The following STRA6 variants were observed in gnomAD, a reference collection of about 807,000 sequenced individuals.
STRA6 encodes signaling receptor and transporter of retinol STRA6, also known as receptor for retinol uptake STRA6.
Under a neutral mutation model 83.6 loss-of-function variants are expected in STRA6, and 48 were observed. The ratio of observed to expected loss-of-function variants is 0.57; its 90% CI spans 0.46 to 0.73. STRA6 has a LOEUF of 0.73. Among genes scored for constraint, STRA6 ranks in the 30% least tolerant of loss-of-function variants. The probability of loss-of-function intolerance (pLI) is 0.00; values close to 1 mark genes in which losing one functional copy is unlikely to be tolerated. For synonymous variants in STRA6, 353 were observed against 362.3 expected (o/e 0.97, Z 0.29); for missense variants, 760 against 838.8 (o/e 0.91, Z 1.16).
At chr15:74,192,641 C>T (rs1375210262) in intron 8 of STRA6, among the ~76,000 whole-genome samples, 1 of 152,308 alleles carries the variant, frequency 6.6e-6, no homozygotes, top group East Asian at 1.9e-4. Flanking sequence ...TTCCCTGGGC[C>T]AGCAGCTGGC....
intron 17 of STRA6, 118 bp from the exon 18 acceptor site, chr15:74,181,055 GAC>G: frequency 6.8e-7 from 1 of 1,464,270 alleles, no homozygotes; most frequent in Non-Finnish European, 9.3e-7. Flanking sequence ...CAAGCATGTC[GAC>G]ACACCAAGCA....
At chr15:74,199,915 G>A (rs2073982107) in intron 2 of STRA6, among the ~76,000 whole-genome samples, 1 of 152,170 alleles carries the variant, frequency 6.6e-6, no homozygotes, top group South Asian at 2.1e-4. Context: ...TATCTGATTG[G>A]AGTTTAAAAA....
chr15:74,201,039 T>C (rs1161278222), intron 2 of STRA6, among the ~76,000 whole-genome samples: 32 of 152,222 alleles, frequency 2.1e-4, no homozygotes, highest in Non-Finnish European at 2.9e-5. Flanking sequence ...GCAGGATATG[T>C]GGAGCCCACA....
upstream of STRA6, chr15:74,209,787 T>A (rs1377853511): frequency 4.0e-6 from 1 of 250,660 alleles, no homozygotes; most frequent in Non-Finnish European, 7.5e-6. Flanking sequence ...GAAATGGTGC[T>A]CAGAGGGTGC....
chr15:74,201,102 A>C (rs1394753390), intron 2 of STRA6, among the ~76,000 whole-genome samples: 1 of 152,178 alleles, frequency 6.6e-6, no homozygotes, highest in Non-Finnish European at 1.5e-5. Flanking sequence ...TGCTGACTGC[A>C]GGCTATTTTC....
chr15:74,193,103 A>G (rs1472690705), intron 8 of STRA6, among the ~76,000 whole-genome samples: 6 of 152,166 alleles, frequency 3.9e-5, no homozygotes, highest in Non-Finnish European at 5.9e-5. Context: ...CCTTCCATAC[A>G]TCTTTCCTTC....
In STRA6 at chr15:74,180,167, C is replaced by T. The variant is rs1567175757; in HGVS notation, c.1917G>A (p.Trp639Ter). ...TGTGCAGCAGCGTGTAGGCCAGACC[C>T]CAGCGAGCCCTGCCGCGGCTGGCCC... ...RPGASRGRAR[W>*]GLAYTLLHNP... Residue 639 changes from tryptophan to a stop codon, truncating the protein, a stop_gained, in exon 19 of 19, where the codon TGG becomes TGA. Coordinates refer to ENST00000395105, the MANE Select transcript of STRA6 (RefSeq NM_022369.4). LOFTEE classifies it high-confidence loss of function. 3.1e-6 allele frequency: 5 copies of T among 1,614,012 alleles called. No individual in the cohort carries two copies. Among genetic ancestry groups the T allele is most frequent in the Non-Finnish European group, 4.2e-6 (5 of 1,180,010 alleles).
At chr15:74,191,267 C>T (rs377493137) in intron 9 of STRA6, 24 bp from the exon 10 acceptor site, 101 of 1,612,730 alleles carry the variant, frequency 6.3e-5, no homozygotes, top group African/African-American at 3.7e-4. Flanking sequence ...CAGGCAGGTG[C>T]GGGGTCCTCA....
chr15:74,206,251 G>A (rs375248072), upstream of STRA6, among the ~76,000 whole-genome samples: 4 of 152,196 alleles, frequency 2.6e-5, no homozygotes, highest in Non-Finnish European at 2.9e-5. Context: ...AGTCTGGTGC[G>A]GGCAGGGTGG....
chr15:74,192,846 C>T (rs148320904), intron 8 of STRA6, among the ~76,000 whole-genome samples: 8 of 152,258 alleles, frequency 5.3e-5, no homozygotes, highest in African/African-American at 1.4e-4. Flanking sequence ...TAGTGGACCC[C>T]GCCCCCTGCA....
At chr15:74,198,102 ATT>A (rs1420946172) in intron 2 of STRA6, among the ~76,000 whole-genome samples, 1 of 150,496 alleles carries the variant, frequency 6.6e-6, no homozygotes, top group Non-Finnish European at 1.5e-5. Context: ...CTGATCACTT[ATT>A]CTCTTTTTTT....
chr15:74,194,864 G>A (rs1226986841), intron 7 of STRA6: 8 of 1,359,250 alleles, frequency 5.9e-6, no homozygotes, highest in Admixed American at 3.4e-5. Flanking sequence ...AGCAGCCAGT[G>A]AGCAAGGTCC....
At chr15:74,195,794 A>C (rs1325834408) in intron 5 of STRA6, 119 bp from the exon 6 acceptor site, 4 of 892,694 alleles carry the variant, frequency 4.5e-6, no homozygotes, top group Non-Finnish European at 6.9e-6. Flanking sequence ...CCTGGCTCTC[A>C]GTTCCTCCAT....
At chr15:74,189,019 G>A (rs1051480613) in intron 12 of STRA6, 96 bp downstream of exon 12, 49 of 1,439,752 alleles carry the variant, frequency 3.4e-5, no homozygotes, top group Non-Finnish European at 4.4e-5. Context: ...GTGTCCAAGG[G>A]CCCCCAGTGT....
intron 7 of STRA6, 87 bp downstream of exon 7, chr15:74,195,215 T>G (rs540260495): frequency 2.6e-6 from 4 of 1,561,732 alleles, no homozygotes; most frequent in Non-Finnish European, 3.5e-6. Context: ...CGGCCCATCA[T>G]AGAATCAGAG....
intron 14 of STRA6, chr15:74,182,954 T>G (rs1017682392): frequency 1.6e-5 from 3 of 182,862 alleles, no homozygotes; most frequent in African/African-American, 7.1e-5. Flanking sequence ...CGCTATGACT[T>G]TTGTCCTAGT....
chr15:74,182,209 T>A lies in STRA6; in HGVS notation c.1472A>T (p.His491Leu), dbSNP rs770577933. Residue 491 changes from histidine (H) to leucine (L), a missense_variant, in exon 16 of 19, where the codon CAT becomes CTT. Coordinates refer to ENST00000395105, the MANE Select transcript of STRA6 (RefSeq NM_022369.4). ...LAVILQNMAA[H>L]WVFLETHDGH... ...ATCATGAGTCTCCAGGAAGACCCAA[T>A]GGGCTGCCATGTTCTGCAGGATCAC... 2 of 1,614,132 alleles carry A rather than the reference T, an allele frequency of 1.2e-6. No homozygotes were observed. Among genetic ancestry groups the A allele is most frequent in the East Asian group, 4.5e-5 (2 of 44,874 alleles).
upstream of STRA6, among the ~76,000 whole-genome samples, chr15:74,211,397 T>C (rs966631647): frequency 4.6e-4 from 66 of 143,964 alleles, no homozygotes; most frequent in African/African-American, 1.7e-3. Context: ...CCCTGGCTTT[T>C]TTTTTTTTTT....
rs375791749 is a variant in STRA6 at position 74,199,365 on chromosome 15, C to T, written c.114-1547G>A. ...CTGGGCAGCTTCTTGGCCAGGAGAC[C>T]AGCCTCTTCCCAAAGTAGAACTGGG... On this transcript the variant is annotated intron_variant, in intron 2 of 18. Coordinates refer to ENST00000395105, the MANE Select transcript of STRA6 (RefSeq NM_022369.4). 3.5e-5 allele frequency among the ~76,000 whole-genome samples: 5 copies of T among 141,196 alleles called. No homozygotes were observed. In the East Asian group the frequency reaches 7.9e-4, roughly 22 times the overall value. The allele number at this position is 141,196 out of a possible 152,430, so 92.6% of individuals were successfully genotyped here.
Sources: gnomAD v4.1 joint callset for allele counts (sites outside exome capture counted in the v4.1 genomes callset) on GRCh38, gnomAD v4.1.1 for gene constraint, MANE v1.5 for transcripts, NCBI Gene and HGNC (gene_info 2026-07-23, HGNC 2026-07-21) for gene names.